ARG1: variants seen among roughly 807,000 people sequenced by gnomAD.
ARG1 encodes the protein arginase-1.
Under a neutral mutation model 33.0 loss-of-function variants are expected in ARG1, and 20 were observed. The ratio of observed to expected loss-of-function variants is 0.61; its 90% CI spans 0.43 to 0.88. The LOEUF is 0.88. ARG1 is among the 40% of genes least tolerant of loss of function. ARG1 has a pLI of 0.00. For synonymous variants in ARG1, 146 were observed against 140.6 expected, an observed-to-expected ratio of 1.04 and a Z score of -0.27; for missense variants, 374 against 384.7, an observed-to-expected ratio of 0.97 and a Z score of 0.23.
At position 131,583,987 on chromosome 6, in the gene ARG1, C is replaced by G; in HGVS notation, c.*79C>G. 2 of 1,498,314 alleles carry G rather than the reference C, an allele frequency of 1.3e-6. No individual in the cohort carries two copies. The highest frequency in any genetic ancestry group is 3.5e-4 in the Middle Eastern group (2 of 5,746). 92.8% of individuals were successfully genotyped at this position (1,498,314 alleles called of 1,614,324 possible). A position where few individuals can be genotyped will look rare whatever the true frequency, so the allele number is the denominator to read the frequency against. On this transcript the variant is annotated 3_prime_UTR_variant, in exon 8 of 8. Coordinates refer to ENST00000368087, the MANE Select transcript of ARG1 (RefSeq NM_000045.4). ...ATCATTTTCTTAAGCATAGAGTTAT[C>G]CTTCTAAAGACTTGTTCTTTCAGAA...
rs1375258538 is a variant in ARG1 at position 131,582,610 on chromosome 6, T to C, written c.466-11T>C. On this transcript the variant is annotated splice_polypyrimidine_tract_variant and intron_variant, in intron 4 of 7. Transcript: ENST00000368087. Reference sequence around the variant, plus strand: ...ATCATACATAACCAAGTGAAAACATTGTAATTTTAGATTCCCGATGTGCCA... The same window carrying C: ...ATCATACATAACCAAGTGAAAACATCGTAATTTTAGATTCCCGATGTGCCA... 1.2e-6 allele frequency: 2 copies of C among 1,606,994 alleles called. No homozygotes were observed. The highest frequency in any genetic ancestry group is 1.3e-5 in the African/African-American group (1 of 74,914).
chr6:131,574,368 T>G (rs1189572672), intron 1 of ARG1: 2 of 1,552,550 alleles, frequency 1.3e-6, no homozygotes, highest in Non-Finnish European at 1.8e-6. Context: ...AATACTACTT[T>G]GCTTCCCCTG....
chr6:131,582,544 A>C, intron 4 of ARG1, 77 bp from the exon 5 acceptor site: 3 of 1,077,126 alleles, frequency 2.8e-6, no homozygotes, highest in Non-Finnish European at 4.3e-6. Flanking sequence ...ACGCAATCCA[A>C]TATGTGTCTT....
Position 131,581,321 on chromosome 6 carries a change from A to C in ARG1, c.408A>C (p.Thr136=), listed in dbSNP as rs773968554. ...ATATCAACACTCCACTGACAACCAC[A>C]AGTGGAAACTTGCATGGACAACCTG... is the stretch of plus-strand genomic sequence containing the variant. ...HTDINTPLTT[T]SGNLHGQPVS... The change falls in exon 4 of 8, where the codon ACA becomes ACC. Residue 136 remains threonine, a synonymous_variant. Transcript: ENST00000368087. 1 of 1,613,924 alleles carries C rather than the reference A, an allele frequency of 6.2e-7. No individual in the cohort carries two copies. Among genetic ancestry groups the C allele is most frequent in the Non-Finnish European group, 8.5e-7 (1 of 1,179,870 alleles).
rs746381302 is a variant in ARG1 at position 131,581,275 on chromosome 6, T to C, written c.362T>C (p.Ile121Thr). 1.4e-5 allele frequency: 22 copies of C among 1,613,816 alleles called. No individual in the cohort carries two copies. The highest frequency in any genetic ancestry group is 3.3e-5 in the South Asian group (3 of 91,082). Residue 121 changes from isoleucine (I) to threonine (T), a missense_variant, in exon 4 of 8, where the codon ATC becomes ACC. Physicochemically the swap from Ile to Thr is moderately conservative, Grantham distance 89. Transcript: ENST00000368087. Reference sequence around the variant, plus strand: ...AGGGTCCACCCTGATCTTGGAGTCATCTGGGTGGATGCTCACACTGATATC... The same window carrying C: ...AGGGTCCACCCTGATCTTGGAGTCACCTGGGTGGATGCTCACACTGATATC... Reference protein sequence around the residue: ...HARVHPDLGVIWVDAHTDINT... With the variant: ...HARVHPDLGVTWVDAHTDINT...
At chr6:131,578,289 T>C (rs1773729342) in intron 2 of ARG1, among the ~76,000 whole-genome samples, 1 of 152,088 alleles carries the variant, frequency 6.6e-6, no homozygotes, top group Non-Finnish European at 1.5e-5. Context: ...TCACGTGTTG[T>C]ATCAGGTGAA....
At chr6:131,582,543 AAT>A (rs1773980232) in intron 4 of ARG1, 76 bp from the exon 5 acceptor site, 3 of 1,064,750 alleles carry the variant, frequency 2.8e-6, no homozygotes, top group East Asian at 4.8e-5. Context: ...TACGCAATCC[AAT>A]ATGTGTCTTT....
rs530409317 is a variant in ARG1, at chr6:131,577,071, C to T, written c.130+336C>T. ...GGTGCAGCAGGAAGTATGCTACTAG[C>T]AAGAGGACCCCTATTTGTGAAATAA... On this transcript the variant is annotated intron_variant, in intron 2 of 7. Coordinates refer to ENST00000368087, the MANE Select transcript of ARG1 (RefSeq NM_000045.4). Among the ~76,000 whole-genome samples the T allele has an allele frequency of 5.9e-5, 9 of 152,200 alleles. No homozygotes were observed. The South Asian group carries it at 1.9e-3, about 32-fold the overall frequency.
Position 131,583,336 on chromosome 6 carries a change from C to T in ARG1, c.666-19C>T, listed in dbSNP as rs774722903. Reference sequence around the variant, plus strand: ...AAGCCATCAACCTTAAACTGAAATCCTTTCCCACTTCTTAAAAGAAAGAAA... The same window carrying T: ...AAGCCATCAACCTTAAACTGAAATCTTTTCCCACTTCTTAAAAGAAAGAAA... On this transcript the variant is annotated intron_variant, in intron 6 of 7. Transcript: ENST00000368087. 5 of 1,614,068 alleles carry T rather than the reference C, an allele frequency of 3.1e-6. No individual in the cohort carries two copies. The highest frequency in any genetic ancestry group is 3.4e-6 in the Non-Finnish European group (4 of 1,179,950).
chr6:131,583,371 C>G lies in ARG1; in HGVS notation c.682C>G (p.His228Asp). The change falls in exon 7 of 8, where the codon CAT becomes GAT. Residue 228 changes from histidine to aspartate, a missense_variant. By Grantham distance (81) the His-to-Asp change is moderately conservative (BLOSUM62 -1). Coordinates refer to ENST00000368087, the MANE Select transcript of ARG1 (RefSeq NM_000045.4). ...YLLGRKKRPI[H>D]LSFDVDGLDP... is the part of the protein sequence containing the mutation. ...TCTTAAAAGAAAGAAAAGGCCAATT[C>G]ATCTAAGTTTTGATGTTGACGGACT... is the stretch of plus-strand genomic sequence containing the variant. The G allele has an allele frequency of 1.2e-6, 2 of 1,614,144 alleles. No homozygotes were observed. The highest frequency in any genetic ancestry group is 2.2e-5 in the South Asian group (2 of 91,076).
intron 3 of ARG1, among the ~76,000 whole-genome samples, chr6:131,580,941 C>T (rs540865287): frequency 1.3e-4 from 20 of 152,180 alleles, no homozygotes; most frequent in African/African-American, 4.8e-4. Context: ...TTTTTGGCTA[C>T]GCTCTAATCG....
chr6:131,583,355 A>T lies in ARG1; in HGVS notation c.666A>T (p.Arg222Ser). The T allele has an allele frequency of 6.2e-7, 1 of 1,614,184 alleles. No homozygotes were observed. The highest frequency in any genetic ancestry group is 8.5e-7 in the Non-Finnish European group (1 of 1,179,990). ...MEETLSYLLG[R>S]KKRPIHLSFD... ...GAAATCCTTTCCCACTTCTTAAAAG[A>T]AAGAAAAGGCCAATTCATCTAAGTT... is the stretch of plus-strand genomic sequence containing the variant. The change falls in exon 7 of 8, where the codon AGA (arginine) becomes AGT (serine). Residue 222 changes from arginine (R) to serine (S), a missense_variant and splice_region_variant. Coordinates refer to ENST00000368087, the MANE Select transcript of ARG1 (RefSeq NM_000045.4).
intron 2 of ARG1, among the ~76,000 whole-genome samples, 191 bp downstream of exon 2, chr6:131,576,926 C>T (rs1773642020): frequency 6.6e-6 from 1 of 151,972 alleles, no homozygotes; most frequent in Non-Finnish European, 1.5e-5. Context: ...GCTGGATGTA[C>T]ATCCTCACTC....
At chr6:131,576,008 C>T (rs185743161) in intron 1 of ARG1, among the ~76,000 whole-genome samples, 62 of 152,306 alleles carry the variant, frequency 4.1e-4, no homozygotes, top group African/African-American at 1.3e-3. Context: ...CACACTCTTT[C>T]GATGCTTTTG....
At chr6:131,579,439 T>C (rs1350143725) in intron 3 of ARG1, 154 bp downstream of exon 3, 1 of 766,928 alleles carries the variant, frequency 1.3e-6, no homozygotes, top group Non-Finnish European at 2.0e-6. Flanking sequence ...AGGTTACTTT[T>C]ATTATAGAAA....
intron 1 of ARG1, among the ~76,000 whole-genome samples, chr6:131,574,450 C>T (rs1356381295): frequency 6.6e-6 from 1 of 152,170 alleles, no homozygotes; most frequent in Non-Finnish European, 1.5e-5. Context: ...TTAAAATCCA[C>T]ACTGTTCTCA....
intron 2 of ARG1, 132 bp downstream of exon 2, chr6:131,576,867 C>T: frequency 1.3e-6 from 1 of 770,902 alleles, no homozygotes; most frequent in Admixed American, 2.0e-5. Flanking sequence ...ACCCGAGAAA[C>T]ACATCCTACA....
At chr6:131,574,980 A>G (rs541909945) in intron 1 of ARG1, among the ~76,000 whole-genome samples, 7 of 152,300 alleles carry the variant, frequency 4.6e-5, no homozygotes, top group Non-Finnish European at 1.0e-4. Flanking sequence ...ATTCAACTCC[A>G]AAGGCGACCT....
intron 4 of ARG1, 23 bp downstream of exon 4, chr6:131,581,401 A>G: frequency 1.2e-6 from 2 of 1,603,784 alleles, no homozygotes; most frequent in East Asian, 4.5e-5. Flanking sequence ...TTGGTACTCT[A>G]GTGCAATAGA....
Sources: gnomAD v4.1 joint callset for allele counts (sites outside exome capture counted in the v4.1 genomes callset) on GRCh38, gnomAD v4.1.1 for gene constraint, MANE v1.5 for transcripts, NCBI Gene and HGNC (gene_info 2026-07-23, HGNC 2026-07-21) for gene names.